AIM2: variants seen among roughly 807,000 people sequenced by gnomAD.
AIM2 encodes absent in melanoma 2, also known as interferon-inducible protein AIM2.
AIM2 carries 30 observed loss-of-function variants against 27.7 expected under a neutral mutation model. The observed-to-expected ratio is 1.08, with a 90% CI of 0.81 to 1.47. The LOEUF is 1.47. Ranked by LOEUF, AIM2 falls within the 40% of genes most tolerant of loss-of-function variation. The pLI, the probability that AIM2 is intolerant of heterozygous loss-of-function variation, is 0.00. For synonymous variants in AIM2, 141 were observed against 145.3 expected, an observed-to-expected ratio of 0.97 and a Z score of 0.21; for missense variants, 358 against 411.3, an observed-to-expected ratio of 0.87 and a Z score of 1.12.
At chr1:159,061,484 C>T (rs1006155383), downstream of AIM2, among the ~76,000 whole-genome samples, 1 of 151,976 alleles carries the variant, frequency 6.6e-6, no homozygotes, top group African/African-American at 2.4e-5. Flanking sequence ...ACTCCGCCTC[C>T]TGGGTTCAAG....
At chr1:159,139,342 G>A (rs1648068753) in intron 1 of AIM2, among the ~76,000 whole-genome samples, 1 of 152,170 alleles carries the variant, frequency 6.6e-6, no homozygotes, top group Non-Finnish European at 1.5e-5. Flanking sequence ...CACCCTGGAT[G>A]TTCCAGGCAG....
At chr1:159,074,643 T>C (rs1238744853) in intron 1 of AIM2, among the ~76,000 whole-genome samples, 1 of 152,140 alleles carries the variant, frequency 6.6e-6, no homozygotes, top group African/African-American at 2.4e-5. Flanking sequence ...TTTATAACTA[T>C]AAGATTAATA....
downstream of AIM2, among the ~76,000 whole-genome samples, chr1:159,060,011 G>C (rs1472189317): frequency 6.6e-6 from 1 of 152,134 alleles, no homozygotes; most frequent in African/African-American, 2.4e-5. Context: ...ATGCTAATCT[G>C]TCCTCATAAA....
intron 1 of AIM2, among the ~76,000 whole-genome samples, chr1:159,099,492 CTTTG>C (rs1657267197): frequency 6.6e-6 from 1 of 152,150 alleles, no homozygotes; most frequent in African/African-American, 2.4e-5. Context: ...CATAGACCTA[CTTTG>C]TTTTTTTTCC....
intron 1 of AIM2, among the ~76,000 whole-genome samples, chr1:159,126,727 A>G (rs1243397573): frequency 1.3e-5 from 2 of 152,330 alleles, no homozygotes; most frequent in South Asian, 2.1e-4. Context: ...ACAGGAATAT[A>G]AACTATGACT....
At chr1:159,137,565 G>A (rs1301272596) in intron 1 of AIM2, among the ~76,000 whole-genome samples, 1 of 152,178 alleles carries the variant, frequency 6.6e-6, no homozygotes, top group Non-Finnish European at 1.5e-5. Context: ...GCTGAGGCAG[G>A]AGAATGGCTT....
chr1:159,086,850 A>G (rs766776687), intron 1 of AIM2, among the ~76,000 whole-genome samples: 14 of 152,236 alleles, frequency 9.2e-5, no homozygotes, highest in Admixed American at 7.2e-4. Flanking sequence ...TAACTGAAAG[A>G]AAGAACTCAG....
At position 159,068,635 on chromosome 1, in the gene AIM2, G is replaced by C. The variant is rs768968156; in HGVS notation, c.329C>G (p.Ala110Gly). Residue 110 changes from alanine to glycine, a missense_variant, in exon 3 of 6, where the codon GCA (alanine) becomes GGA (glycine). By Grantham distance (60) the Ala-to-Gly change is moderately conservative (BLOSUM62 0). Transcript: ENST00000368130. ...GACATCATTTCTGATGGCTGCAGAT[G>C]CAGCAGGACTCATTTCAGCTTGACT... ...PLSQAEMSPA[A>G]SAAIRNDVAK... The C allele has an allele frequency of 2.5e-6, 4 of 1,613,778 alleles. No homozygotes were observed. In the African/African-American group the frequency reaches 4.0e-5, roughly 16 times the overall value.
chr1:159,068,053 C>T (rs1656183265), intron 3 of AIM2, among the ~76,000 whole-genome samples: 3 of 151,930 alleles, frequency 2.0e-5, no homozygotes, highest in South Asian at 2.1e-4. Context: ...CATGCCAGAC[C>T]GAGTGTCAGA....
At chr1:159,080,185 G>C (rs563841265), upstream of AIM2, among the ~76,000 whole-genome samples, 4 of 152,024 alleles carry the variant, frequency 2.6e-5, no homozygotes, top group South Asian at 8.3e-4. Context: ...TTCAACTTTG[G>C]GTAAATATCA....
chr1:159,069,858 T>C (rs1277183511), intron 2 of AIM2, among the ~76,000 whole-genome samples: 1 of 152,212 alleles, frequency 6.6e-6, no homozygotes, highest in Non-Finnish European at 1.5e-5. Flanking sequence ...TTTCTAATTA[T>C]GTTCTACAAG....
At chr1:159,087,706 T>G (rs922345880) in intron 1 of AIM2, among the ~76,000 whole-genome samples, 1 of 151,786 alleles carries the variant, frequency 6.6e-6, no homozygotes, top group Non-Finnish European at 1.5e-5. Flanking sequence ...TGGAGTACCT[T>G]GGATTACAAG....
Position 159,062,629 on chromosome 1 carries a change from T to C in AIM2, c.*63A>G. 6.8e-7 allele frequency: 1 copy of C among 1,476,092 alleles called. No homozygotes were observed. Among genetic ancestry groups the C allele is most frequent in the Non-Finnish European group, 9.5e-7 (1 of 1,057,646 alleles). The allele number at this position is 1,476,092 out of a possible 1,614,324, so 91.4% of individuals were successfully genotyped here. ...TTACAATCTGATTGAAGAGGCTGTA[T>C]CACATATTCTTCAATTAAATGCTGC... is the stretch of plus-strand genomic sequence containing the variant. On this transcript the variant is annotated 3_prime_UTR_variant, in exon 6 of 6. Coordinates refer to ENST00000368130, the MANE Select transcript of AIM2 (RefSeq NM_004833.3).
intron 1 of AIM2, among the ~76,000 whole-genome samples, chr1:159,085,161 C>T (rs1656878143): frequency 6.6e-6 from 1 of 152,086 alleles, no homozygotes; most frequent in South Asian, 2.1e-4. Context: ...GCCAGGTTCT[C>T]ATGTTGATGA....
chr1:159,075,611 T>TAGAGAG (rs368061118), intron 1 of AIM2, among the ~76,000 whole-genome samples: 4 of 145,666 alleles, frequency 2.7e-5, no homozygotes, highest in African/African-American at 7.7e-5. Flanking sequence ...TATATATATA[T>TAGAGAG]AGAGAGAGAG....
the AIM2 span, among the ~76,000 whole-genome samples, chr1:159,056,762 G>A: frequency 3.9e-5 from 5 of 127,202 alleles, no homozygotes; most frequent in African/African-American, 1.4e-4. Flanking sequence ...CCCTTTAGCT[G>A]CCATGTTGGG....
intron 1 of AIM2, among the ~76,000 whole-genome samples, chr1:159,112,015 C>A (rs1213332241): frequency 6.6e-6 from 1 of 151,872 alleles, no homozygotes; most frequent in Non-Finnish European, 1.5e-5. Flanking sequence ...GCACTCCAGC[C>A]TGGGCGACAG....
chr1:159,107,394 G>A (rs1311371150), intron 1 of AIM2, among the ~76,000 whole-genome samples: 1 of 151,950 alleles, frequency 6.6e-6, no homozygotes, highest in Non-Finnish European at 1.5e-5. Flanking sequence ...AAATGGATCA[G>A]GACTGCAGGG....
At chr1:159,140,133 TA>T (rs1247622174) in intron 1 of AIM2, among the ~76,000 whole-genome samples, 1 of 151,884 alleles carries the variant, frequency 6.6e-6, no homozygotes, top group Non-Finnish European at 1.5e-5. Flanking sequence ...GAGTTAACAA[TA>T]AACAAAAGGC....
Sources: gnomAD v4.1 joint callset for allele counts (sites outside exome capture counted in the v4.1 genomes callset) on GRCh38, gnomAD v4.1.1 for gene constraint, MANE v1.5 for transcripts, NCBI Gene and HGNC (gene_info 2026-07-23, HGNC 2026-07-21) for gene names.